The following PHACTR3 variants were observed in gnomAD, a reference collection of about 807,000 sequenced individuals.
The protein encoded by PHACTR3 is protein phosphatase 1, regulatory subunit 123.
In PHACTR3, 16 loss-of-function variants were observed where a neutral mutation model predicts 66.8. That is an observed-to-expected ratio of 0.24 (90% CI 0.16 to 0.36). PHACTR3 has a LOEUF of 0.36. PHACTR3 is among the 10% of genes least tolerant of loss of function. The probability of loss-of-function intolerance (pLI) is 1.00; values close to 1 mark genes in which losing one functional copy is unlikely to be tolerated. For missense variants in PHACTR3, 647 were observed against 719.9 expected (o/e 0.90, Z 1.16); for synonymous variants, 323 against 292.1 (o/e 1.11, Z -1.08).
intron 1 of PHACTR3, among the ~76,000 whole-genome samples, chr20:59,702,981 T>C (rs910184149): frequency 6.6e-6 from 1 of 152,198 alleles, no homozygotes; most frequent in African/African-American, 2.4e-5. Context: ...ACAAGCGTGT[T>C]GTTGCAAGAA....
At chr20:59,660,443 G>A (rs920205610) in intron 1 of PHACTR3, among the ~76,000 whole-genome samples, 6 of 152,232 alleles carry the variant, frequency 3.9e-5, no homozygotes, top group Non-Finnish European at 5.9e-5. Context: ...GCAGTGAGCC[G>A]AGATTGCGCC....
rs979087647 is a variant in PHACTR3 at position 59,830,535 on chromosome 20, G to T, written c.1329-5970G>T. ...CCGTCTGATGGAGGAGGCTGTGAGT[G>T]TCTGAAGGAGGAGTGATTCTTGGGG... On this transcript the variant is annotated intron_variant, in intron 8 of 12. Coordinates refer to ENST00000371015, the MANE Select transcript of PHACTR3 (RefSeq NM_080672.5). The surrounding 1 kb of genome is among the most constrained non-coding windows in gnomAD (Gnocchi z 5.8). Among the ~76,000 whole-genome samples the T allele has an allele frequency of 2.0e-5, 3 of 152,158 alleles. No homozygotes were observed. Among genetic ancestry groups the T allele is most frequent in the Non-Finnish European group, 4.4e-5 (3 of 68,016 alleles).
chr20:59,762,687 G>A (rs2040033956), intron 4 of PHACTR3, among the ~76,000 whole-genome samples: 3 of 152,204 alleles, frequency 2.0e-5, no homozygotes, highest in Admixed American at 2.0e-4. Flanking sequence ...GCCCAAGCTG[G>A]AAATATTTTC....
At chr20:59,812,947 G>T (rs747407295) in intron 8 of PHACTR3, among the ~76,000 whole-genome samples, 9 of 152,178 alleles carry the variant, frequency 5.9e-5, no homozygotes, top group Non-Finnish European at 1.3e-4. Flanking sequence ...CCAGGCTGTG[G>T]GCTCCAGGGC....
intron 1 of PHACTR3, among the ~76,000 whole-genome samples, chr20:59,693,877 G>A (rs569902608): frequency 2.0e-4 from 30 of 152,266 alleles, no homozygotes; most frequent in East Asian, 3.9e-4. Context: ...ACAAAGCCCC[G>A]TTAGTCCTAG....
chr20:59,584,323 T>G (rs2032954340), intron 1 of PHACTR3, among the ~76,000 whole-genome samples: 1 of 150,574 alleles, frequency 6.6e-6, no homozygotes. Context: ...TGTGTGAGGG[T>G]GTGAAGCTGT....
intron 1 of PHACTR3, among the ~76,000 whole-genome samples, chr20:59,629,851 T>C (rs1001893196): frequency 1.3e-5 from 2 of 152,202 alleles, no homozygotes; most frequent in Admixed American, 6.5e-5. Context: ...CACTGACTGA[T>C]GGCAAGTCAC....
At position 59,730,744 on chromosome 20, in the gene PHACTR3, G is replaced by A. The variant is rs1413111596; in HGVS notation, c.119-12363G>A. Among the ~76,000 whole-genome samples the A allele has an allele frequency of 2.0e-5, 3 of 152,250 alleles. No individual in the cohort carries two copies. In the East Asian group the frequency reaches 5.8e-4, roughly 29 times the overall value. On this transcript the variant is annotated intron_variant, in intron 1 of 12. Transcript: ENST00000371015. ...GAACTGTCAAATGCACAAACCAAAT[G>A]CACTTTCTACTAGTTTTTGCAAATA...
chr20:59,630,926 G>A (rs1463809253), intron 1 of PHACTR3, among the ~76,000 whole-genome samples: 1 of 152,216 alleles, frequency 6.6e-6, no homozygotes, highest in Admixed American at 6.5e-5. Flanking sequence ...GTAGACAGGG[G>A]TGGTTGGAGG....
intron 7 of PHACTR3, among the ~76,000 whole-genome samples, chr20:59,777,909 C>T (rs8123036): frequency 0.38 from 56,940 of 151,794 alleles, 13,098 homozygotes; most frequent in East Asian, 0.67. Context: ...TCTACGCATG[C>T]GTCCACGTGG....
intron 1 of PHACTR3, among the ~76,000 whole-genome samples, chr20:59,658,960 T>G (rs1345180680): frequency 6.6e-6 from 1 of 151,980 alleles, no homozygotes; most frequent in Non-Finnish European, 1.5e-5. Context: ...TGTCTTTTTT[T>G]TTTTTTTTTC....
At chr20:59,843,379 C>T (rs1391513106) in intron 11 of PHACTR3, 1 of 152,036 alleles carries the variant, frequency 6.6e-6, no homozygotes, top group African/African-American at 2.4e-5. Flanking sequence ...CAAAAAGAAC[C>T]TGAATAGCCA....
chr20:59,633,742 G>A (rs2034751909), intron 1 of PHACTR3, among the ~76,000 whole-genome samples: 1 of 152,122 alleles, frequency 6.6e-6, no homozygotes, highest in Non-Finnish European at 1.5e-5. Flanking sequence ...ATTCTCAGGA[G>A]CTGCTAATGA....
At chr20:59,628,624 C>T (rs2034549947) in intron 1 of PHACTR3, 2 of 985,370 alleles carry the variant, frequency 2.0e-6, no homozygotes, top group Non-Finnish European at 2.4e-6. Context: ...CACAAAGAAA[C>T]AAAAAGTACG....
At chr20:59,776,302 G>A (rs565148348) in intron 7 of PHACTR3, among the ~76,000 whole-genome samples, 14 of 152,328 alleles carry the variant, frequency 9.2e-5, no homozygotes, top group Admixed American at 6.5e-4. Context: ...TGTAAACTGA[G>A]GCATAGGGAG....
At chr20:59,692,506 G>A in intron 1 of PHACTR3, among the ~76,000 whole-genome samples, 1 of 152,212 alleles carries the variant, frequency 6.6e-6, no homozygotes, top group East Asian at 1.9e-4. Flanking sequence ...AGATGATGAT[G>A]GATGCTTCTA....
chr20:59,775,003 A>G (rs1468777990), intron 7 of PHACTR3, among the ~76,000 whole-genome samples: 1 of 152,222 alleles, frequency 6.6e-6, no homozygotes, highest in African/African-American at 2.4e-5. Flanking sequence ...TGGATGGGAC[A>G]GGCAGCATAC....
rs1600896009 is a variant in PHACTR3 at position 59,604,688 on chromosome 20, T to C, written c.-327T>C. On this transcript the variant is annotated 5_prime_UTR_variant, in exon 1 of 13. Transcript: ENST00000371015. The stretch of plus-strand genomic sequence containing the variant: ...CGCAATAAACACTGACAAGAAAAAG[T>C]TTTTATTTCCTGGTTCAACTTTTTT... 1 of 1,017,632 alleles carries C rather than the reference T, an allele frequency of 9.8e-7. No homozygotes were observed. The highest frequency in any genetic ancestry group is 1.2e-6 in the Non-Finnish European group (1 of 852,414). The allele number at this position is 1,017,632 out of a possible 1,614,324, so 63.0% of individuals were successfully genotyped here.
chr20:59,780,951 G>A (rs1469589405), intron 7 of PHACTR3, among the ~76,000 whole-genome samples: 1 of 152,166 alleles, frequency 6.6e-6, no homozygotes, highest in African/African-American at 2.4e-5. Flanking sequence ...AATCAGCACT[G>A]TCACCCTCAT....
Sources: allele counts gnomAD v4.1 joint callset (sites outside exome capture counted in the v4.1 genomes callset), GRCh38; gene constraint gnomAD v4.1.1; non-coding constraint Gnocchi (gnomAD v3.1); transcripts MANE v1.5; gene names NCBI Gene and HGNC (gene_info 2026-07-23, HGNC 2026-07-21).